Variants in PRAG1 observed in about 807,000 individuals in gnomAD.
PRAG1 encodes the protein PEAK1 related, kinase-activating pseudokinase 1, also known as inactive tyrosine-protein kinase PRAG1.
A neutral mutation model predicts 95.6 loss-of-function variants in PRAG1; 110 were observed. The ratio of observed to expected loss-of-function variants is 1.15; its 90% CI spans 0.99 to 1.35. The LOEUF is 1.35. Among genes scored for constraint, PRAG1 ranks in the 40% most tolerant of loss-of-function variants. The pLI is 0.00. For synonymous variants in PRAG1, 1,052 were observed against 819.4 expected (o/e 1.28, Z -4.85); for missense variants, 2,554 against 1,864.7 (o/e 1.37, Z -6.81).
intron 3 of PRAG1, among the ~76,000 whole-genome samples, chr8:8,353,989 T>C (rs533536970): frequency 2.0e-5 from 3 of 151,074 alleles, no homozygotes; most frequent in Non-Finnish European, 4.4e-5. Flanking sequence ...AAAAAGTCAA[T>C]AGAACTGAGA....
chr8:8,344,532 A>T (rs1419948953), intron 3 of PRAG1, among the ~76,000 whole-genome samples: 1 of 152,244 alleles, frequency 6.6e-6, no homozygotes, highest in African/African-American at 2.4e-5. Context: ...GGAATTGGAT[A>T]GGGAGGGATC....
chr8:8,343,398 C>T (rs958120199), intron 3 of PRAG1, among the ~76,000 whole-genome samples: 3 of 152,126 alleles, frequency 2.0e-5, no homozygotes, highest in Non-Finnish European at 4.4e-5. Context: ...AGCAATGTTA[C>T]TTAAATAACT....
chr8:8,346,212 G>A (rs1468414961), intron 3 of PRAG1, among the ~76,000 whole-genome samples: 1 of 152,234 alleles, frequency 6.6e-6, no homozygotes, highest in Non-Finnish European at 1.5e-5. Flanking sequence ...CAAAACTGGT[G>A]CAAACCATCT....
At position 8,381,688 on chromosome 8, in the gene PRAG1, A is replaced by G. The variant is rs766501517; in HGVS notation, c.60T>C (p.Phe20=). The change falls in exon 2 of 6, where the codon TTT becomes TTC. Residue 20 remains phenylalanine (F), a synonymous_variant. Transcript: ENST00000615670. ...ACCCGGGTTTCCAGATGTGCTCCAC[A>G]AAGTCACTGCACGCAGACATTTTCA... ...ESLKMSACSD[F]VEHIWKPGSC... 2 of 1,612,636 alleles carry G rather than the reference A, an allele frequency of 1.2e-6. No individual in the cohort carries two copies. Among genetic ancestry groups the G allele is most frequent in the Non-Finnish European group, 1.7e-6 (2 of 1,178,910 alleles).
At position 8,317,948 on chromosome 8, in the gene PRAG1, GGA is replaced by G. The variant is rs1291267901; in HGVS notation, c.*204_*205del. The G allele has an allele frequency of 5.5e-6, 2 of 365,090 alleles. No individual in the cohort carries two copies. Among genetic ancestry groups the G allele is most frequent in the Non-Finnish European group, 9.4e-6 (2 of 212,934 alleles). The allele number at this position is 365,090 out of a possible 1,614,324, so 22.6% of individuals were successfully genotyped here. A position where few individuals can be genotyped will look rare whatever the true frequency, so the allele number is the denominator to read the frequency against. ...AAACAGGGAGGACTTAGTGCAGAGA[GGA>G]GACGAGTGTGGACGGGCAACAGCAT... On this transcript the variant is annotated 3_prime_UTR_variant, in exon 6 of 6. Transcript: ENST00000615670.
chr8:8,322,905 A>G (rs1798518320), intron 5 of PRAG1, among the ~76,000 whole-genome samples: 1 of 152,146 alleles, frequency 6.6e-6, no homozygotes, highest in Non-Finnish European at 1.5e-5. Context: ...TACAAAACCA[A>G]GTTGTGGCCT....
chr8:8,348,775 C>G (rs1050163076), intron 3 of PRAG1, among the ~76,000 whole-genome samples: 3 of 152,178 alleles, frequency 2.0e-5, no homozygotes, highest in Non-Finnish European at 2.9e-5. Flanking sequence ...AATCACATCA[C>G]TGAGAATTTG....
chr8:8,384,065 G>A (rs578212116), intron 1 of PRAG1, among the ~76,000 whole-genome samples: 70 of 151,710 alleles, frequency 4.6e-4, no homozygotes, highest in Admixed American at 1.2e-3. Context: ...AGACAGTTTG[G>A]AAACCAGCTC....
In PRAG1 at chr8:8,322,623, T is replaced by A. The variant is rs575835412; in HGVS notation, c.3073-3321A>T. Among the ~76,000 whole-genome samples the A allele has an allele frequency of 1.7e-3, 254 of 152,320 alleles. 1 individual carries two copies. The highest frequency in any genetic ancestry group is 4.1e-3 in the South Asian group (20 of 4,828). On this transcript the variant is annotated intron_variant, in intron 5 of 5. Coordinates refer to ENST00000615670, the MANE Select transcript of PRAG1 (RefSeq NM_001080826.3). ...CTACCCTCCTCCCTGTTGGGATTAC[T>A]GATAGGGCAGTCTCTTCAAGTCTGA...
At chr8:8,330,028 G>A (rs575381614) in intron 4 of PRAG1, among the ~76,000 whole-genome samples, 1 of 152,164 alleles carries the variant, frequency 6.6e-6, no homozygotes, top group Non-Finnish European at 1.5e-5. Flanking sequence ...CAAGACTATG[G>A]GGTCCTTGCA....
At chr8:8,376,128 A>C in intron 3 of PRAG1, 119 bp downstream of exon 3, 1 of 1,367,456 alleles carries the variant, frequency 7.3e-7, no homozygotes, top group South Asian at 1.4e-5. Flanking sequence ...ACATAAAGGC[A>C]CAAGGGCCTT....
intron 5 of PRAG1, among the ~76,000 whole-genome samples, chr8:8,322,525 A>AG (rs1301954183): frequency 6.6e-6 from 1 of 152,124 alleles, no homozygotes; most frequent in Non-Finnish European, 1.5e-5. Context: ...CTCTCAGTCA[A>AG]GGGCATTCCA....
chr8:8,361,662 G>A (rs1799851758), intron 3 of PRAG1, among the ~76,000 whole-genome samples: 2 of 152,190 alleles, frequency 1.3e-5, no homozygotes, highest in South Asian at 2.1e-4. Context: ...GACATACAAG[G>A]TTCGAGCAGC....
At chr8:8,332,388 T>C (rs1798848403) in intron 4 of PRAG1, among the ~76,000 whole-genome samples, 1 of 152,012 alleles carries the variant, frequency 6.6e-6, no homozygotes, top group South Asian at 2.1e-4. Flanking sequence ...GTCTTGAACT[T>C]CTGACCTTCA....
At chr8:8,376,081 T>C (rs1800376016) in intron 3 of PRAG1, among the ~76,000 whole-genome samples, 166 bp downstream of exon 3, 1 of 152,126 alleles carries the variant, frequency 6.6e-6, no homozygotes, top group South Asian at 2.1e-4. Context: ...CCACAACTCC[T>C]GCTCTCCGAG....
At chr8:8,357,415 A>C (rs1292389274) in intron 3 of PRAG1, among the ~76,000 whole-genome samples, 1 of 152,246 alleles carries the variant, frequency 6.6e-6, no homozygotes, top group Non-Finnish European at 1.5e-5. Context: ...AAAACCCACA[A>C]GGGCCAGTAA....
At chr8:8,319,866 G>T (rs558564743) in intron 5 of PRAG1, among the ~76,000 whole-genome samples, 6 of 152,310 alleles carry the variant, frequency 3.9e-5, no homozygotes, top group African/African-American at 1.4e-4. Context: ...TATTCATCAG[G>T]CAAGTGCAAA....
In PRAG1 at chr8:8,376,452, T is replaced by C. The variant is rs1377231703; in HGVS notation, c.1957A>G (p.Ser653Gly). The change falls in exon 3 of 6, where the codon AGC becomes GGC. Residue 653 changes from serine to glycine, a missense_variant. Transcript: ENST00000615670. ...CCATTTTTGGTCTCTCTTCCCCAGC[T>C]GTGACTCAGCAATTCCTGCTCCACC... is the stretch of plus-strand genomic sequence containing the variant. ...EEVEQELLSH[S>G]WGRETKNGPT... The C allele has an allele frequency of 1.2e-6, 2 of 1,614,142 alleles. No individual in the cohort carries two copies. Among genetic ancestry groups the C allele is most frequent in the Non-Finnish European group, 1.7e-6 (2 of 1,180,006 alleles).
At chr8:8,338,545 T>C (rs1453758029) in intron 4 of PRAG1, among the ~76,000 whole-genome samples, 2 of 152,244 alleles carry the variant, frequency 1.3e-5, no homozygotes, top group East Asian at 3.8e-4. Flanking sequence ...AAATCTGTTG[T>C]TGCTACATTC....
Sources: gnomAD v4.1 joint callset for allele counts (sites outside exome capture counted in the v4.1 genomes callset) on GRCh38, gnomAD v4.1.1 for gene constraint, MANE v1.5 for transcripts, NCBI Gene and HGNC (gene_info 2026-07-23, HGNC 2026-07-21) for gene names.